RAB40C: variants seen among roughly 807,000 people sequenced by gnomAD.
RAB40C encodes the protein RAB40C, member RAS oncogene family.
A neutral mutation model predicts 28.1 loss-of-function variants in RAB40C; 8 were observed. The ratio of observed to expected loss-of-function variants is 0.28; its 90% CI spans 0.17 to 0.51. The LOEUF is 0.51. Among genes scored for constraint, RAB40C ranks in the 20% least tolerant of loss-of-function variants. The probability of loss-of-function intolerance (pLI) is 0.97; values close to 1 mark genes in which losing one functional copy is unlikely to be tolerated. For missense variants in RAB40C, 288 were observed against 405.9 expected (o/e 0.71, Z 2.50); for synonymous variants, 201 against 171.7 (o/e 1.17, Z -1.34).
chr16:623,834 C>A, intron 3 of RAB40C: 1 of 488,882 alleles, frequency 2.0e-6, no homozygotes, highest in Non-Finnish European at 2.7e-6. Flanking sequence ...CCTGTATTCC[C>A]AGCCACTCAG....
At chr16:607,148 C>T (rs1167811043) in intron 1 of RAB40C, among the ~76,000 whole-genome samples, 2 of 152,202 alleles carry the variant, frequency 1.3e-5, no homozygotes, top group African/African-American at 4.8e-5. Context: ...CCTCCATGGG[C>T]AGGGGCACAG....
At chr16:595,169 G>T (rs1312628722) in intron 1 of RAB40C, among the ~76,000 whole-genome samples, 1 of 152,172 alleles carries the variant, frequency 6.6e-6, no homozygotes, top group East Asian at 1.9e-4. Context: ...GAGGAACGGG[G>T]TGTTCACCAT....
chr16:594,604 G>A (rs1039134189), intron 1 of RAB40C, among the ~76,000 whole-genome samples: 9 of 152,144 alleles, frequency 5.9e-5, no homozygotes, highest in African/African-American at 1.9e-4. Context: ...TATCTTGAGA[G>A]GCTCCTCCGT....
intron 1 of RAB40C, among the ~76,000 whole-genome samples, chr16:594,679 G>A (rs981669456): frequency 6.6e-6 from 1 of 152,118 alleles, no homozygotes; most frequent in Non-Finnish European, 1.5e-5. Context: ...TTCGTGGGAG[G>A]TTCTAGCTGT....
intron 1 of RAB40C, among the ~76,000 whole-genome samples, chr16:615,217 G>T (rs2036562687): frequency 6.6e-6 from 1 of 152,188 alleles, no homozygotes; most frequent in Admixed American, 6.5e-5. Flanking sequence ...GTCCTTCGAT[G>T]CATGAGAACA....
intron 3 of RAB40C, chr16:624,895 G>T: frequency 1.6e-6 from 2 of 1,271,376 alleles, no homozygotes; most frequent in East Asian, 5.6e-5. Flanking sequence ...CAAGTAATTG[G>T]TCTCTAAGGG....
At chr16:617,110 G>C in intron 1 of RAB40C, 98 bp from the exon 2 acceptor site, 2 of 1,266,752 alleles carry the variant, frequency 1.6e-6, no homozygotes, top group East Asian at 2.3e-5. Flanking sequence ...CCACTTCCGC[G>C]TGGGTCTTGG....
chr16:622,252 A>G (rs1663909825), intron 3 of RAB40C, among the ~76,000 whole-genome samples: 1 of 152,154 alleles, frequency 6.6e-6, no homozygotes, highest in African/African-American at 2.4e-5. Flanking sequence ...ACGTGCTCAG[A>G]TGCATATTGC....
chr16:617,402 A>C (rs1303753311), intron 2 of RAB40C, 134 bp downstream of exon 2: 1 of 1,061,688 alleles, frequency 9.4e-7, no homozygotes, highest in East Asian at 2.5e-5. Flanking sequence ...GCCCCTGTTT[A>C]AACATAGAAT....
intron 1 of RAB40C, among the ~76,000 whole-genome samples, chr16:600,751 C>T (rs1278755558): frequency 6.6e-6 from 1 of 151,988 alleles, no homozygotes; most frequent in East Asian, 1.9e-4. Context: ...GACTCCATCT[C>T]AAAAAAATAA....
chr16:595,815 C>A (rs1279196188), intron 1 of RAB40C, among the ~76,000 whole-genome samples: 1 of 152,120 alleles, frequency 6.6e-6, no homozygotes, highest in Non-Finnish European at 1.5e-5. Flanking sequence ...GTTGGCCAGG[C>A]TGGTCTTGAA....
intron 3 of RAB40C, chr16:625,217 C>T (rs905346374): frequency 3.0e-5 from 43 of 1,431,992 alleles, no homozygotes; most frequent in Non-Finnish European, 3.8e-5. Flanking sequence ...TGGAAGGCGC[C>T]CACCCCCCTG....
At chr16:600,612 C>G (rs775037236) in intron 1 of RAB40C, among the ~76,000 whole-genome samples, 9 of 152,172 alleles carry the variant, frequency 5.9e-5, no homozygotes, top group Non-Finnish European at 1.3e-4. Context: ...TTAGCTTGGC[C>G]TGGTGGCATG....
chr16:611,317 G>T (rs911693172), intron 1 of RAB40C, among the ~76,000 whole-genome samples: 5 of 152,218 alleles, frequency 3.3e-5, no homozygotes, highest in Admixed American at 3.3e-4. Context: ...CATCTGTCTT[G>T]TGGGTGTTGC....
At chr16:598,353 G>T (rs1230129354) in intron 1 of RAB40C, among the ~76,000 whole-genome samples, 1 of 150,988 alleles carries the variant, frequency 6.6e-6, no homozygotes. Flanking sequence ...CTCCAGCCTG[G>T]GTGACAGAGC....
At chr16:595,479 A>G (rs912467491) in intron 1 of RAB40C, among the ~76,000 whole-genome samples, 1 of 152,110 alleles carries the variant, frequency 6.6e-6, no homozygotes, top group African/African-American at 2.4e-5. Flanking sequence ...CACCGCGCAC[A>G]CTAAGTTCTC....
At chr16:608,967 T>C (rs896351225) in intron 1 of RAB40C, among the ~76,000 whole-genome samples, 1 of 151,776 alleles carries the variant, frequency 6.6e-6, no homozygotes, top group African/African-American at 2.4e-5. Context: ...GATACAAAAT[T>C]AGCCAGGTGT....
intron 1 of RAB40C, among the ~76,000 whole-genome samples, chr16:598,849 C>T (rs558759062): frequency 1.4e-4 from 21 of 152,238 alleles, no homozygotes; most frequent in Non-Finnish European, 2.1e-4. Flanking sequence ...AACCTCATGT[C>T]AACCCTGAGT....
chr16:596,743 G>A (rs2036135234), intron 1 of RAB40C, among the ~76,000 whole-genome samples: 1 of 152,196 alleles, frequency 6.6e-6, no homozygotes, highest in African/African-American at 2.4e-5. Flanking sequence ...TGGCTGCCAA[G>A]ACCATGGGCT....
Sources: gnomAD v4.1 joint callset for allele counts (sites outside exome capture counted in the v4.1 genomes callset) on GRCh38, gnomAD v4.1.1 for gene constraint, MANE v1.5 for transcripts, NCBI Gene and HGNC (gene_info 2026-07-23, HGNC 2026-07-21) for gene names.